KIAA1328: variants seen among roughly 807,000 people sequenced by gnomAD.
KIAA1328 encodes the protein KIAA1328, also known as protein hinderin.
Under a neutral mutation model 68.1 loss-of-function variants are expected in KIAA1328, and 52 were observed. The observed-to-expected ratio is 0.76, with a 90% CI of 0.61 to 0.96. The LOEUF (loss-of-function observed/expected upper bound fraction) is 0.96, where lower values mean the gene tolerates loss of function less well. KIAA1328 is among the 40% of genes least tolerant of loss of function. The pLI is 0.00. For missense variants in KIAA1328, 641 were observed against 677.6 expected, an observed-to-expected ratio of 0.95 and a Z score of 0.60; for synonymous variants, 232 against 239.4, an observed-to-expected ratio of 0.97 and a Z score of 0.28.
chr18:37,193,654 A>C, intron 9 of KIAA1328: 1 of 702,672 alleles, frequency 1.4e-6, no homozygotes, highest in Non-Finnish European at 2.6e-6. Context: ...TCTCCTAGAC[A>C]AAATGCTAGG....
chr18:37,001,647 C>T (rs944539106), intron 6 of KIAA1328, among the ~76,000 whole-genome samples: 1 of 151,904 alleles, frequency 6.6e-6, no homozygotes, highest in Non-Finnish European at 1.5e-5. Flanking sequence ...TCCAACAGTA[C>T]ATGAAAAACA....
intron 6 of KIAA1328, among the ~76,000 whole-genome samples, chr18:36,962,762 T>C (rs2051742585): frequency 6.6e-6 from 1 of 152,094 alleles, no homozygotes; most frequent in Non-Finnish European, 1.5e-5. Flanking sequence ...GATCTTCTTT[T>C]AAAGCAATGA....
At chr18:36,971,033 C>T (rs2052182347) in intron 6 of KIAA1328, among the ~76,000 whole-genome samples, 1 of 152,180 alleles carries the variant, frequency 6.6e-6, no homozygotes, top group Non-Finnish European at 1.5e-5. Context: ...AGGCATCATG[C>T]TACCTGACTT....
intron 6 of KIAA1328, among the ~76,000 whole-genome samples, chr18:37,001,609 G>A (rs1319509712): frequency 6.6e-6 from 1 of 152,024 alleles, no homozygotes; most frequent in Non-Finnish European, 1.5e-5. Context: ...AGACACAAAA[G>A]TCCTCAACAG....
chr18:37,147,246 G>T (rs2058922911), intron 7 of KIAA1328, among the ~76,000 whole-genome samples: 1 of 152,148 alleles, frequency 6.6e-6, no homozygotes, highest in Non-Finnish European at 1.5e-5. Context: ...AACAGACAAA[G>T]ACAGTGGCCA....
At chr18:37,076,675 A>G (rs2056749004) in intron 7 of KIAA1328, among the ~76,000 whole-genome samples, 1 of 151,888 alleles carries the variant, frequency 6.6e-6, no homozygotes, top group South Asian at 2.1e-4. Flanking sequence ...CCACAGAAAT[A>G]CAAACTACCC....
Position 37,224,306 on chromosome 18 carries a change from AAC to A in KIAA1328, c.*2081_*2082del, listed in dbSNP as rs1370892116. 6 of 985,392 alleles carry A rather than the reference AAC, an allele frequency of 6.1e-6. No individual in the cohort carries two copies. In the Admixed American group the frequency reaches 1.8e-4, roughly 30 times the overall value. The allele number at this position is 985,392 out of a possible 1,614,324, so 61.0% of individuals were successfully genotyped here. ...CTTGTTTGCCTTTAGAAGAATCGTA[AAC>A]AGAGTCTAAACTAAAGGCTTTTTGG... On this transcript the variant is annotated 3_prime_UTR_variant, in exon 10 of 10. Transcript: ENST00000280020.
chr18:37,164,483 G>A (rs1419944492), intron 8 of KIAA1328, among the ~76,000 whole-genome samples: 4 of 152,016 alleles, frequency 2.6e-5, no homozygotes, highest in African/African-American at 4.8e-5. Flanking sequence ...GGTGGCTCAC[G>A]CCTGTAAGCT....
chr18:37,087,245 A>G (rs1461671184), intron 7 of KIAA1328, among the ~76,000 whole-genome samples: 11 of 150,740 alleles, frequency 7.3e-5, no homozygotes, highest in Non-Finnish European at 2.9e-5. Context: ...TTTTTTTTAG[A>G]GACGGGGTTT....
At chr18:37,092,888 A>G (rs571194655) in intron 7 of KIAA1328, among the ~76,000 whole-genome samples, 24 of 152,284 alleles carry the variant, frequency 1.6e-4, no homozygotes, top group African/African-American at 4.6e-4. Flanking sequence ...TGCTCGAGGT[A>G]TGGCCTGCTT....
chr18:36,834,816 G>A (rs980825452), intron 2 of KIAA1328, among the ~76,000 whole-genome samples: 3 of 151,962 alleles, frequency 2.0e-5, no homozygotes, highest in African/African-American at 4.8e-5. Context: ...CATATATTTG[G>A]CATATCGTAA....
chr18:36,893,031 C>A (rs1276683580), intron 5 of KIAA1328, among the ~76,000 whole-genome samples: 1 of 152,004 alleles, frequency 6.6e-6, no homozygotes, highest in African/African-American at 2.4e-5. Context: ...TGCACATGTA[C>A]CCCTGAATCT....
intron 9 of KIAA1328, among the ~76,000 whole-genome samples, chr18:37,192,428 T>C (rs554050251): frequency 6.6e-6 from 1 of 152,202 alleles, no homozygotes; most frequent in Non-Finnish European, 1.5e-5. Flanking sequence ...ATGGAATGGA[T>C]GTATATCCAT....
chr18:36,871,389 A>G (rs966157801), intron 4 of KIAA1328, among the ~76,000 whole-genome samples: 3 of 152,162 alleles, frequency 2.0e-5, no homozygotes, highest in African/African-American at 7.2e-5. Flanking sequence ...GCTACCTGAA[A>G]TTGACATGCC....
chr18:36,970,657 A>G (rs895148482), intron 6 of KIAA1328, among the ~76,000 whole-genome samples: 1 of 151,974 alleles, frequency 6.6e-6, no homozygotes, highest in Non-Finnish European at 1.5e-5. Flanking sequence ...CTATACACCA[A>G]TAATAGACAG....
chr18:36,930,038 G>C (rs1598741307), intron 5 of KIAA1328, among the ~76,000 whole-genome samples: 1 of 152,084 alleles, frequency 6.6e-6, no homozygotes, highest in Admixed American at 6.5e-5. Flanking sequence ...TCTCAGGCCT[G>C]TTGTCCTACC....
chr18:37,101,910 C>G (rs557400723), intron 7 of KIAA1328, among the ~76,000 whole-genome samples: 12 of 152,244 alleles, frequency 7.9e-5, no homozygotes, highest in Non-Finnish European at 1.8e-4. Context: ...CATATCCAGC[C>G]AAACTAAGCT....
At chr18:37,209,445 C>CTA (rs368213734) in intron 9 of KIAA1328, among the ~76,000 whole-genome samples, 22 of 150,320 alleles carry the variant, frequency 1.5e-4, no homozygotes, top group East Asian at 3.9e-4. Flanking sequence ...GGGCAATAGG[C>CTA]TATATATATA....
intron 7 of KIAA1328, among the ~76,000 whole-genome samples, chr18:37,119,316 T>A (rs2058206749): frequency 6.6e-6 from 1 of 152,208 alleles, no homozygotes; most frequent in Non-Finnish European, 1.5e-5. Flanking sequence ...AAAGACATTA[T>A]ATGTACTCAT....
Sources: allele counts gnomAD v4.1 joint callset (sites outside exome capture counted in the v4.1 genomes callset), GRCh38; gene constraint gnomAD v4.1.1; transcripts MANE v1.5; gene names NCBI Gene and HGNC (gene_info 2026-07-23, HGNC 2026-07-21).